The following GMFG variants were observed in gnomAD, a reference collection of about 807,000 sequenced individuals.
GMFG encodes the protein glia maturation factor gamma.
In GMFG, 21 loss-of-function variants were observed where a neutral mutation model predicts 26.1. The ratio of observed to expected loss-of-function variants is 0.80; its 90% CI spans 0.57 to 1.16. The LOEUF is 1.16. GMFG is among the 50% of genes most tolerant of loss of function. The pLI, the probability that GMFG is intolerant of heterozygous loss-of-function variation, is 0.00. For missense variants in GMFG, 161 were observed against 178.3 expected, an observed-to-expected ratio of 0.90 and a Z score of 0.55; for synonymous variants, 65 against 60.8, an observed-to-expected ratio of 1.07 and a Z score of -0.32.
At chr19:39,333,712 A>G (rs948820538) in intron 3 of GMFG, among the ~76,000 whole-genome samples, 15 of 152,108 alleles carry the variant, frequency 9.9e-5, no homozygotes, top group African/African-American at 3.6e-4. Flanking sequence ...AGGTCCCATC[A>G]TTATGCCCAC....
At chr19:39,335,843 T>C (rs1218264505) in intron 1 of GMFG, 131 bp downstream of exon 1, 1 of 726,510 alleles carries the variant, frequency 1.4e-6, no homozygotes, top group Admixed American at 2.0e-5. Flanking sequence ...CCAGCCGGGC[T>C]GTTCACCACA....
intron 3 of GMFG, among the ~76,000 whole-genome samples, chr19:39,334,405 T>C (rs1343939718): frequency 1.3e-5 from 2 of 152,002 alleles, no homozygotes; most frequent in Non-Finnish European, 2.9e-5. Flanking sequence ...GTAGCTGAGA[T>C]CACAGGTGCA....
chr19:39,334,536 G>T (rs1215072373), intron 3 of GMFG, among the ~76,000 whole-genome samples: 1 of 152,156 alleles, frequency 6.6e-6, no homozygotes, highest in Admixed American at 6.5e-5. Context: ...CCAAAGCGCT[G>T]GGATTACAGG....
In GMFG at chr19:39,331,469, C is replaced by T. The variant is rs140808730; in HGVS notation, c.200+1608G>A. 2.6e-4 allele frequency among the ~76,000 whole-genome samples: 39 copies of T among 152,314 alleles called. No individual in the cohort carries two copies. In the East Asian group the frequency reaches 7.5e-3, roughly 29 times the overall value. On this transcript the variant is annotated intron_variant, in intron 4 of 6. Transcript: ENST00000597595. ...TGGTCCTTGTTGAGTCCTACAGCCT[C>T]TAATCCTAGAGACCCAAAATGAATT... is the stretch of plus-strand genomic sequence containing the variant.
intron 3 of GMFG, among the ~76,000 whole-genome samples, chr19:39,334,149 T>A (rs2075239173): frequency 1.3e-5 from 2 of 151,500 alleles, no homozygotes; most frequent in African/African-American, 4.9e-5. Flanking sequence ...CCCGAGTAGC[T>A]GGGACTACAG....
chr19:39,335,340 C>T, intron 2 of GMFG, 30 bp from the exon 3 acceptor site: 3 of 1,595,884 alleles, frequency 1.9e-6, no homozygotes, highest in Non-Finnish European at 2.6e-6. Context: ...AGGGATTAGA[C>T]ACTCCCCCTG....
At chr19:39,331,742 A>G (rs2075227116) in intron 4 of GMFG, among the ~76,000 whole-genome samples, 1 of 152,180 alleles carries the variant, frequency 6.6e-6, no homozygotes, top group African/African-American at 2.4e-5. Context: ...AGCACTGCCC[A>G]ATAGCCTGGG....
intron 3 of GMFG, among the ~76,000 whole-genome samples, chr19:39,334,928 C>T (rs1289001436): frequency 6.6e-6 from 1 of 152,140 alleles, no homozygotes; most frequent in Non-Finnish European, 1.5e-5. Context: ...CGGCTCACTA[C>T]AGCCTCCATC....
In GMFG at chr19:39,335,006, T is replaced by G. The variant is rs557019900; in HGVS notation, c.150+255A>C. On this transcript the variant is annotated intron_variant, in intron 3 of 6. Coordinates refer to ENST00000597595, the MANE Select transcript of GMFG (RefSeq NM_004877.4). ...CTGTGATTACAGGTGCCCACCACCA[T>G]GCCTAGCTAACTTTTTATATTTTTA... Among the ~76,000 whole-genome samples, 70 of 152,240 alleles carry G rather than the reference T, an allele frequency of 4.6e-4. No individual in the cohort carries two copies. In the South Asian group the frequency reaches 0.014, roughly 30 times the overall value.
chr19:39,328,405 G>T lies in GMFG; in HGVS notation c.*72C>A. On this transcript the variant is annotated 3_prime_UTR_variant, in exon 7 of 7. Coordinates refer to ENST00000597595, the MANE Select transcript of GMFG (RefSeq NM_004877.4). ...ATTTATTTAAAGTCTTGGTTGTTCAGGTCCTAGGGGTTCCAAGTCCCCAGT... is the reference window on the plus strand; with the variant it reads ...ATTTATTTAAAGTCTTGGTTGTTCATGTCCTAGGGGTTCCAAGTCCCCAGT... 1.0e-6 allele frequency: 1 copy of T among 955,726 alleles called. No homozygotes were observed. The highest frequency in any genetic ancestry group is 1.7e-6 in the Non-Finnish European group (1 of 581,082). The allele number at this position is 955,726 out of a possible 1,614,324, so 59.2% of individuals were successfully genotyped here.
At position 39,335,475 on chromosome 19, in the gene GMFG, T is replaced by A. The variant is rs1201431699; in HGVS notation, c.60A>T (p.Lys20Asn). Reference sequence around the variant, plus strand: ...TGTCTGTCTCTTTTCGGAAGCGGAATTTCCTCAGCTTTTCTGTTAGCTCTG... The same window carrying A: ...TGTCTGTCTCTTTTCGGAAGCGGAAATTCCTCAGCTTTTCTGTTAGCTCTG... ...VDPELTEKLR[K>N]FRFRKETDNA... The change falls in exon 2 of 7, where the codon AAA becomes AAT. Residue 20 changes from lysine (K) to asparagine (N), a missense_variant. Lys to Asn is a moderately conservative substitution (Grantham distance 94, BLOSUM62 0). Transcript: ENST00000597595. 1.2e-6 allele frequency: 2 copies of A among 1,613,762 alleles called. No homozygotes were observed. The highest frequency in any genetic ancestry group is 2.7e-5 in the African/African-American group (2 of 74,898).
intron 1 of GMFG, among the ~76,000 whole-genome samples, chr19:39,335,751 C>T (rs1376289593): frequency 1.3e-5 from 2 of 152,158 alleles, no homozygotes; most frequent in African/African-American, 2.4e-5. Flanking sequence ...GCCTTCTCCA[C>T]GGGGACTCTT....
rs1299093938 is a variant in GMFG, at chr19:39,335,247, C to A, written c.150+14G>T. ...ACCCTGTACCTCCCAGTCCCAATCA[C>A]CCCAGCCCATCACCTGAAATTCTTC... On this transcript the variant is annotated intron_variant, in intron 3 of 6. Coordinates refer to ENST00000597595, the MANE Select transcript of GMFG (RefSeq NM_004877.4). 9 of 1,553,262 alleles carry A rather than the reference C, an allele frequency of 5.8e-6. No homozygotes were observed. Among genetic ancestry groups the A allele is most frequent in the Non-Finnish European group, 7.8e-6 (9 of 1,147,926 alleles).
intron 3 of GMFG, among the ~76,000 whole-genome samples, chr19:39,334,744 T>C (rs1037517678): frequency 5.3e-5 from 8 of 152,176 alleles, no homozygotes; most frequent in African/African-American, 1.7e-4. Context: ...TAAGTACTAT[T>C]CTCCCCATTT....
At chr19:39,332,964 CAG>C (rs1231792297) in intron 4 of GMFG, 111 bp downstream of exon 4, 1 of 687,810 alleles carries the variant, frequency 1.5e-6, no homozygotes, top group Non-Finnish European at 2.6e-6. Flanking sequence ...CGGCCAAACA[CAG>C]AGATTCAAAG....
chr19:39,331,032 T>C (rs1042461834), intron 4 of GMFG, among the ~76,000 whole-genome samples: 4 of 152,144 alleles, frequency 2.6e-5, no homozygotes, highest in Non-Finnish European at 4.4e-5. Flanking sequence ...GCCACTGCGC[T>C]CAGCCTGTCT....
Position 39,335,971 on chromosome 19 carries a change from G to C in GMFG, c.3+3C>G. On this transcript the variant is annotated splice_donor_region_variant and intron_variant, in intron 1 of 6. Transcript: ENST00000597595. ...TCTTCCCATAGAACCCCTGGCCCCT[G>C]ACCATGATTGTTCTGTCCACAGGCC... 6.3e-7 allele frequency: 1 copy of C among 1,594,874 alleles called. No homozygotes were observed. Among genetic ancestry groups the C allele is most frequent in the East Asian group, 2.2e-5 (1 of 44,818 alleles).
At chr19:39,329,433 G>C in intron 5 of GMFG, 111 bp downstream of exon 5, 1 of 709,750 alleles carries the variant, frequency 1.4e-6, no homozygotes, top group Non-Finnish European at 2.6e-6. Flanking sequence ...CACACAGGCT[G>C]TCACATGCTC....
At chr19:39,333,511 C>T (rs2145056138) in intron 3 of GMFG, among the ~76,000 whole-genome samples, 1 of 146,402 alleles carries the variant, frequency 6.8e-6, no homozygotes, top group Admixed American at 7.1e-5. Flanking sequence ...ACCCGGGAGG[C>T]GGAGGTTGCA....
Sources: allele counts gnomAD v4.1 joint callset (sites outside exome capture counted in the v4.1 genomes callset), GRCh38; gene constraint gnomAD v4.1.1; transcripts MANE v1.5; gene names NCBI Gene and HGNC (gene_info 2026-07-23, HGNC 2026-07-21).